The following METTL15 variants were observed in gnomAD, a reference collection of about 807,000 sequenced individuals.
METTL15 encodes 12S rRNA N(4)-cytidine methyltransferase METTL15.
In METTL15, 34 loss-of-function variants were observed where a neutral mutation model predicts 38.3. The observed-to-expected ratio is 0.89, with a 90% CI of 0.68 to 1.18. The LOEUF (loss-of-function observed/expected upper bound fraction) is 1.18. Among genes scored for constraint, METTL15 ranks in the 50% most tolerant of loss-of-function variants. METTL15 has a pLI of 0.00. For missense variants in METTL15, 438 were observed against 498.4 expected, an observed-to-expected ratio of 0.88 and a Z score of 1.15; for synonymous variants, 162 against 170.9, an observed-to-expected ratio of 0.95 and a Z score of 0.41.
chr11:28,438,549 A>C (rs1038866319), intron 6 of METTL15, among the ~76,000 whole-genome samples: 1 of 152,100 alleles, frequency 6.6e-6, no homozygotes, highest in Non-Finnish European at 1.5e-5. Flanking sequence ...CACCCTCTGA[A>C]CATTCAAGTT....
intron 6 of METTL15, among the ~76,000 whole-genome samples, chr11:28,468,178 G>A (rs1851273639): frequency 6.6e-6 from 1 of 152,100 alleles, no homozygotes; most frequent in African/African-American, 2.4e-5. Context: ...TAGGAAGTTC[G>A]GATAAGCCCT....
downstream of METTL15, among the ~76,000 whole-genome samples, chr11:28,338,429 T>A (rs1849920856): frequency 6.6e-6 from 1 of 152,148 alleles, no homozygotes; most frequent in Non-Finnish European, 1.5e-5. Context: ...CTCTACAAGA[T>A]TTGATCATGT....
At chr11:28,509,727 T>G (rs975166277) in intron 6 of METTL15, among the ~76,000 whole-genome samples, 22 of 152,194 alleles carry the variant, frequency 1.4e-4, no homozygotes, top group African/African-American at 5.1e-4. Flanking sequence ...TTCTTCTGTA[T>G]TTCACATTCT....
chr11:28,316,189 A>G (rs1427301489), intron 6 of METTL15, among the ~76,000 whole-genome samples: 1 of 152,212 alleles, frequency 6.6e-6, no homozygotes. Context: ...AGCCAGGAGC[A>G]GGGCTATACC....
intron 6 of METTL15, among the ~76,000 whole-genome samples, chr11:28,301,656 A>G (rs946989002): frequency 4.6e-5 from 7 of 152,154 alleles, no homozygotes; most frequent in Admixed American, 4.6e-4. Context: ...TACATGTTGA[A>G]ATGGTAATAT....
At chr11:28,167,481 C>A (rs995458248) in intron 3 of METTL15, among the ~76,000 whole-genome samples, 3 of 152,066 alleles carry the variant, frequency 2.0e-5, no homozygotes, top group Non-Finnish European at 4.4e-5. Flanking sequence ...ACACTGTTAC[C>A]ACCGTAGTAC....
At chr11:28,156,229 G>T (rs942457077) in intron 3 of METTL15, among the ~76,000 whole-genome samples, 1 of 152,062 alleles carries the variant, frequency 6.6e-6, no homozygotes, top group African/African-American at 2.4e-5. Flanking sequence ...ATCCTGAAAG[G>T]TACCCAGTTG....
At chr11:28,134,657 G>A (rs532428135) in intron 3 of METTL15, 3 of 398,326 alleles carry the variant, frequency 7.5e-6, no homozygotes, top group Non-Finnish European at 1.3e-5. Flanking sequence ...TCAGTTTAAG[G>A]GTCCTGGGAA....
chr11:28,478,403 A>G (rs143954843), intron 6 of METTL15, among the ~76,000 whole-genome samples: 90 of 152,346 alleles, frequency 5.9e-4, no homozygotes, highest in African/African-American at 2.1e-3. Context: ...CCCATCACTC[A>G]GATAGTAGAC....
chr11:28,482,597 C>G (rs896411445), intron 6 of METTL15, among the ~76,000 whole-genome samples: 1 of 152,146 alleles, frequency 6.6e-6, no homozygotes, highest in Non-Finnish European at 1.5e-5. Context: ...CTTATTAGCT[C>G]CACTTATCAG....
chr11:28,166,915 C>T (rs776418577), intron 3 of METTL15, among the ~76,000 whole-genome samples: 2 of 152,136 alleles, frequency 1.3e-5, no homozygotes, highest in Non-Finnish European at 2.9e-5. Context: ...TGCCAGTGCA[C>T]TCCAGCCTGT....
intron 4 of METTL15, among the ~76,000 whole-genome samples, chr11:28,288,059 A>T (rs866411512): frequency 1.4e-4 from 22 of 152,162 alleles, no homozygotes; most frequent in South Asian, 2.1e-4. Flanking sequence ...TAAACATATG[A>T]AAAAAGCTCA....
intron 5 of METTL15, among the ~76,000 whole-genome samples, chr11:28,419,788 G>T (rs1452928509): frequency 6.6e-6 from 1 of 152,132 alleles, no homozygotes; most frequent in East Asian, 1.9e-4. Context: ...AAGGAATTCA[G>T]AATATTATCA....
chr11:28,186,949 A>C (rs188852899), intron 3 of METTL15, among the ~76,000 whole-genome samples: 1 of 151,212 alleles, frequency 6.6e-6, no homozygotes, highest in Non-Finnish European at 1.5e-5. Context: ...CATTTCCTTA[A>C]TCACATAATA....
In METTL15 at chr11:28,210,793, T is replaced by G. The variant is rs185299682; in HGVS notation, c.271-269T>G. Among the ~76,000 whole-genome samples the G allele has an allele frequency of 3.0e-3, 458 of 152,116 alleles. 2 individuals are homozygous for G. The highest frequency in any genetic ancestry group is 4.6e-3 in the Non-Finnish European group (309 of 67,880). On this transcript the variant is annotated intron_variant, in intron 3 of 6. Transcript: ENST00000407364. ...CACAACAGTGTGACCAGTTTGACCT[T>G]ATAGAGAGAAATATAAATTTGTCTT...
intron 5 of METTL15, among the ~76,000 whole-genome samples, chr11:28,365,700 G>A (rs1358971765): frequency 6.6e-6 from 1 of 152,118 alleles, no homozygotes; most frequent in East Asian, 1.9e-4. Context: ...GTGAAAAAAT[G>A]TATGAGGGAT....
At chr11:28,230,272 C>A (rs945843362) in intron 4 of METTL15, among the ~76,000 whole-genome samples, 3 of 151,820 alleles carry the variant, frequency 2.0e-5, no homozygotes, top group Non-Finnish European at 4.4e-5. Context: ...ACCTCTGCAT[C>A]CATTCCTAAG....
At chr11:28,287,813 G>T (rs1207479919) in intron 4 of METTL15, among the ~76,000 whole-genome samples, 5 of 151,992 alleles carry the variant, frequency 3.3e-5, no homozygotes, top group Non-Finnish European at 5.9e-5. Flanking sequence ...TCATTAGCAG[G>T]TTCAATTCCT....
intron 5 of METTL15, among the ~76,000 whole-genome samples, chr11:28,420,493 C>CA (rs1850809917): frequency 6.6e-6 from 1 of 151,968 alleles, no homozygotes; most frequent in Non-Finnish European, 1.5e-5. Context: ...TTAAAACATT[C>CA]AAAAATGTTA....
Sources: gnomAD v4.1 joint callset for allele counts (sites outside exome capture counted in the v4.1 genomes callset) on GRCh38, gnomAD v4.1.1 for gene constraint, MANE v1.5 for transcripts, NCBI Gene and HGNC (gene_info 2026-07-23, HGNC 2026-07-21) for gene names.